PRKN: variants seen among roughly 807,000 people sequenced by gnomAD.
PRKN encodes E3 ubiquitin-protein ligase parkin.
Under a neutral mutation model 59.5 loss-of-function variants are expected in PRKN, and 56 were observed. That is an observed-to-expected ratio of 0.94 (90% CI 0.76 to 1.18). The LOEUF (loss-of-function observed/expected upper bound fraction) is 1.18. Ranked by LOEUF, PRKN falls within the 50% of genes most tolerant of loss-of-function variation. The pLI, the probability that PRKN is intolerant of heterozygous loss-of-function variation, is 0.00. For missense variants in PRKN, 657 were observed against 596.4 expected (o/e 1.10, Z -1.06); for synonymous variants, 250 against 222.1 (o/e 1.13, Z -1.12).
At chr6:162,266,849 A>T (rs1780162447) in intron 2 of PRKN, among the ~76,000 whole-genome samples, 1 of 152,206 alleles carries the variant, frequency 6.6e-6, no homozygotes, top group Admixed American at 6.5e-5. Context: ...AATCTTGTAC[A>T]TGAATAAGGT....
chr6:162,347,659 A>C (rs2128130118), intron 2 of PRKN, among the ~76,000 whole-genome samples: 1 of 152,214 alleles, frequency 6.6e-6, no homozygotes, highest in South Asian at 2.1e-4. Context: ...AGCATTTGTT[A>C]ATTTTATTGC....
Position 161,463,186 on chromosome 6 carries a change from C to T in PRKN, c.1084-76309G>A, listed in dbSNP as rs1486004436. Among the ~76,000 whole-genome samples, 1 of 152,178 alleles carries T rather than the reference C, an allele frequency of 6.6e-6. No homozygotes were observed. Among genetic ancestry groups the T allele is most frequent in the Non-Finnish European group, 1.5e-5 (1 of 68,036 alleles). On this transcript the variant is annotated intron_variant, in intron 9 of 11. Coordinates refer to ENST00000366898, the MANE Select transcript of PRKN (RefSeq NM_004562.3). The surrounding 1 kb of genome is among the most constrained non-coding windows in gnomAD (Gnocchi z 4.8). ...GGTGGCATGGGGCACCAGTAGAATT[C>T]CTGAGGCATCCAGATTCAGCACGGC...
At chr6:162,531,057 CAAAAAAAAAAA>C (rs1171548218) in intron 1 of PRKN, among the ~76,000 whole-genome samples, 1 of 79,886 alleles carries the variant, frequency 1.3e-5, no homozygotes, top group Non-Finnish European at 2.3e-5. Context: ...ACTCCATCTC[CAAAAAAAAAAA>C]AAAAAAAAAA....
At chr6:162,358,310 C>T (rs149067451) in intron 2 of PRKN, among the ~76,000 whole-genome samples, 1 of 152,238 alleles carries the variant, frequency 6.6e-6, no homozygotes, top group Non-Finnish European at 1.5e-5. Context: ...ACTTGCCATA[C>T]TGAAAGTTAC....
chr6:161,491,123 C>T (rs1040040922), intron 9 of PRKN, among the ~76,000 whole-genome samples: 1 of 152,150 alleles, frequency 6.6e-6, no homozygotes, highest in Admixed American at 6.5e-5. Flanking sequence ...TTACAGATAC[C>T]ATTGCCTGTG....
intron 1 of PRKN, among the ~76,000 whole-genome samples, chr6:162,445,529 A>T (rs78716895): frequency 0.11 from 16,318 of 151,332 alleles, 1,435 homozygotes; most frequent in East Asian, 0.43. Flanking sequence ...TCTACAAAAA[A>T]TTTTTTTAAA....
chr6:161,862,850 T>C (rs2128224999), intron 6 of PRKN, among the ~76,000 whole-genome samples: 2 of 152,278 alleles, frequency 1.3e-5, no homozygotes, highest in Middle Eastern at 3.4e-3. Flanking sequence ...AAAAGCTATT[T>C]CCTGTTTGGT....
intron 3 of PRKN, among the ~76,000 whole-genome samples, chr6:162,204,039 A>G (rs1368038283): frequency 6.6e-6 from 1 of 152,120 alleles, no homozygotes; most frequent in Non-Finnish European, 1.5e-5. Flanking sequence ...TGTATAAACT[A>G]TTTGGTTGAA....
intron 6 of PRKN, among the ~76,000 whole-genome samples, chr6:161,841,642 G>A (rs1244823198): frequency 6.6e-6 from 1 of 152,034 alleles, no homozygotes; most frequent in Non-Finnish European, 1.5e-5. Flanking sequence ...GAGCCACCAC[G>A]CCTGGCCCAC....
At chr6:161,842,188 G>T (rs1226169175) in intron 6 of PRKN, among the ~76,000 whole-genome samples, 1 of 151,940 alleles carries the variant, frequency 6.6e-6, no homozygotes, top group Non-Finnish European at 1.5e-5. Context: ...GTGTTTCCTG[G>T]GTGATCCAAA....
At chr6:161,743,637 G>A (rs868664005) in intron 7 of PRKN, among the ~76,000 whole-genome samples, 2 of 151,886 alleles carry the variant, frequency 1.3e-5, no homozygotes, top group African/African-American at 4.8e-5. Flanking sequence ...CCCCACTTGC[G>A]TAAGTCCCTG....
At chr6:162,131,674 T>A (rs974272398) in intron 4 of PRKN, among the ~76,000 whole-genome samples, 12 of 152,204 alleles carry the variant, frequency 7.9e-5, no homozygotes, top group Non-Finnish European at 2.9e-5. Flanking sequence ...AAAAAGCCAG[T>A]AGGTGTAAAT....
intron 7 of PRKN, among the ~76,000 whole-genome samples, chr6:161,740,382 C>T (rs1047232285): frequency 6.6e-6 from 1 of 152,134 alleles, no homozygotes; most frequent in African/African-American, 2.4e-5. Context: ...ACCCCATTTC[C>T]ACAGCTCGTT....
intron 1 of PRKN, among the ~76,000 whole-genome samples, chr6:162,690,637 T>A (rs1777739412): frequency 1.3e-5 from 2 of 152,140 alleles, no homozygotes; most frequent in Non-Finnish European, 2.9e-5. Flanking sequence ...CAGTAGATAA[T>A]AAATATCACT....
chr6:162,559,920 T>G (rs1192958174), intron 1 of PRKN, among the ~76,000 whole-genome samples: 1 of 152,208 alleles, frequency 6.6e-6, no homozygotes, highest in African/African-American at 2.4e-5. Context: ...TTCAAACTAG[T>G]GCCACCTAAT....
At chr6:162,667,909 C>G (rs557651902) in intron 1 of PRKN, among the ~76,000 whole-genome samples, 1 of 152,180 alleles carries the variant, frequency 6.6e-6, no homozygotes, top group East Asian at 1.9e-4. Flanking sequence ...GGAACAGAAC[C>G]TGGCACATAG....
intron 6 of PRKN, among the ~76,000 whole-genome samples, chr6:161,865,103 T>C (rs1794061394): frequency 6.6e-6 from 1 of 152,194 alleles, no homozygotes; most frequent in Non-Finnish European, 1.5e-5. Flanking sequence ...GAAAACAACA[T>C]TCATGTCCTT....
intron 3 of PRKN, among the ~76,000 whole-genome samples, chr6:162,239,080 G>A (rs749709366): frequency 6.6e-6 from 1 of 152,118 alleles, no homozygotes; most frequent in African/African-American, 2.4e-5. Flanking sequence ...CAGAGAAGGA[G>A]GGAAATGCTT....
intron 1 of PRKN, among the ~76,000 whole-genome samples, chr6:162,649,519 G>C (rs2128226222): frequency 6.6e-6 from 1 of 152,246 alleles, no homozygotes; most frequent in Non-Finnish European, 1.5e-5. Flanking sequence ...ACTGTAGAAA[G>C]TCAAAGGTGT....
Sources: allele counts gnomAD v4.1 joint callset (sites outside exome capture counted in the v4.1 genomes callset), GRCh38; gene constraint gnomAD v4.1.1; non-coding constraint Gnocchi (gnomAD v3.1); transcripts MANE v1.5; gene names NCBI Gene and HGNC (gene_info 2026-07-23, HGNC 2026-07-21).